The following TSPAN9 variants were observed in gnomAD, a reference collection of about 807,000 sequenced individuals.
TSPAN9 encodes the protein tetraspanin-9.
A neutral mutation model predicts 31.0 loss-of-function variants in TSPAN9; 16 were observed. The ratio of observed to expected loss-of-function variants is 0.52; its 90% CI spans 0.35 to 0.78. The LOEUF is 0.78. Ranked by LOEUF, TSPAN9 falls within the 30% of genes least tolerant of loss-of-function variation. The probability of loss-of-function intolerance (pLI) is 0.01; values close to 1 mark genes in which losing one functional copy is unlikely to be tolerated. For missense variants in TSPAN9, 272 were observed against 312.5 expected (o/e 0.87, Z 0.98); for synonymous variants, 145 against 121.6 (o/e 1.19, Z -1.27).
At chr12:3,184,071 G>A (rs971727149) in intron 2 of TSPAN9, among the ~76,000 whole-genome samples, 14 of 152,206 alleles carry the variant, frequency 9.2e-5, no homozygotes, top group Non-Finnish European at 1.9e-4. Flanking sequence ...GATCTCTGAC[G>A]GCCCATAGCT....
intron 2 of TSPAN9, among the ~76,000 whole-genome samples, chr12:3,174,399 G>A (rs2153970587): frequency 6.6e-6 from 1 of 152,202 alleles, no homozygotes; most frequent in East Asian, 1.9e-4. Flanking sequence ...GTTTACAGCT[G>A]ATGATTTCTA....
intron 3 of TSPAN9, among the ~76,000 whole-genome samples, chr12:3,250,569 C>A (rs1364915436): frequency 1.3e-5 from 2 of 152,184 alleles, no homozygotes; most frequent in Non-Finnish European, 2.9e-5. Flanking sequence ...TCTAGACCTG[C>A]CCACAGCTCC....
At chr12:3,138,016 G>C (rs1050642476) in intron 2 of TSPAN9, among the ~76,000 whole-genome samples, 1 of 152,146 alleles carries the variant, frequency 6.6e-6, no homozygotes, top group Non-Finnish European at 1.5e-5. Flanking sequence ...CCCCTCACTG[G>C]CTGTGTGACC....
At chr12:3,190,595 CAG>C (rs1192583659) in intron 2 of TSPAN9, among the ~76,000 whole-genome samples, 6 of 152,204 alleles carry the variant, frequency 3.9e-5, no homozygotes, top group African/African-American at 1.4e-4. Context: ...TCCTGCAAAA[CAG>C]GGCCTGAGAG....
intron 3 of TSPAN9, among the ~76,000 whole-genome samples, chr12:3,222,108 TCTAA>T (rs779867198): frequency 6.3e-4 from 96 of 152,368 alleles, no homozygotes; most frequent in Non-Finnish European, 1.1e-3. Context: ...CACAGGGTTC[TCTAA>T]CTGTCTTTTC....
At chr12:3,210,268 T>G (rs1421300747) in intron 3 of TSPAN9, among the ~76,000 whole-genome samples, 2 of 152,216 alleles carry the variant, frequency 1.3e-5, no homozygotes, top group East Asian at 3.8e-4. Flanking sequence ...CCACCTTTCC[T>G]AGATAATGCC....
chr12:3,276,958 C>G (rs1862800698), intron 3 of TSPAN9, among the ~76,000 whole-genome samples: 2 of 152,274 alleles, frequency 1.3e-5, no homozygotes, highest in Non-Finnish European at 1.5e-5. Context: ...CCCTGAGCCT[C>G]TGTTTCTTCC....
Position 3,284,908 on chromosome 12 carries a change from T to C in TSPAN9, c.*1792T>C, listed in dbSNP as rs1396308082. ...GGCCACCCAGCACCAGTCACTCCTC[T>C]GTTCACCTTAAGTAACACACAAATC... On this transcript the variant is annotated 3_prime_UTR_variant, in exon 9 of 9. Coordinates refer to ENST00000011898, the MANE Select transcript of TSPAN9 (RefSeq NM_006675.5). 6.6e-6 allele frequency: 1 copy of C among 152,290 alleles called. No homozygotes were observed. The highest frequency in any genetic ancestry group is 1.5e-5 in the Non-Finnish European group (1 of 68,076). The allele number at this position is 152,290 out of a possible 1,614,324, so 9.4% of individuals were successfully genotyped here.
At chr12:3,137,803 T>C (rs1308029642) in intron 2 of TSPAN9, among the ~76,000 whole-genome samples, 1 of 152,122 alleles carries the variant, frequency 6.6e-6, no homozygotes, top group Non-Finnish European at 1.5e-5. Flanking sequence ...TTTTTCTTTT[T>C]TTCTAGGGGA....
intron 3 of TSPAN9, among the ~76,000 whole-genome samples, chr12:3,269,798 C>T (rs1050695930): frequency 1.3e-5 from 2 of 152,338 alleles, no homozygotes; most frequent in South Asian, 2.1e-4. Context: ...TGCACCCACC[C>T]GCACCCCCTC....
chr12:3,131,215 C>T (rs187300617), intron 2 of TSPAN9, among the ~76,000 whole-genome samples: 118 of 151,620 alleles, frequency 7.8e-4, no homozygotes, highest in African/African-American at 2.7e-3. Context: ...TTGTCCCAGC[C>T]GGCCTTCGAG....
intron 2 of TSPAN9, among the ~76,000 whole-genome samples, chr12:3,198,398 CCACCAGCACAGGTCA>C (rs1565610327): frequency 1.8e-4 from 15 of 83,152 alleles, no homozygotes; most frequent in African/African-American, 4.9e-4. Context: ...GCACAGGTCA[CCACCAGCACAGGTCA>C]CACCAGCACA....
intron 3 of TSPAN9, among the ~76,000 whole-genome samples, chr12:3,224,148 C>T (rs747774172): frequency 6.6e-6 from 1 of 152,232 alleles, no homozygotes; most frequent in African/African-American, 2.4e-5. Flanking sequence ...AGAATCCTTA[C>T]CGCCTCAGAC....
At chr12:3,270,532 C>T (rs74054955) in intron 3 of TSPAN9, among the ~76,000 whole-genome samples, 2,301 of 152,348 alleles carry the variant, frequency 0.015, 65 homozygotes, top group African/African-American at 0.052. Context: ...TTGATTGGAG[C>T]AAGCCCCCAG....
At position 3,148,392 on chromosome 12, in the gene TSPAN9, C is replaced by T. The variant is rs574848573; in HGVS notation, c.-17-52785C>T. The stretch of plus-strand genomic sequence containing the variant: ...TCACAAGCTGAATTTCTCAGACTCT[C>T]AGGCCAACACCCACACTGCCAGCTC... On this transcript the variant is annotated intron_variant, in intron 2 of 8. Coordinates refer to ENST00000011898, the MANE Select transcript of TSPAN9 (RefSeq NM_006675.5). Among the ~76,000 whole-genome samples, 8 of 152,396 alleles carry T rather than the reference C, an allele frequency of 5.2e-5. No individual in the cohort carries two copies. In the South Asian group the frequency reaches 1.7e-3, roughly 32 times the overall value.
At chr12:3,263,807 A>G (rs1010897527) in intron 3 of TSPAN9, among the ~76,000 whole-genome samples, 1 of 151,874 alleles carries the variant, frequency 6.6e-6, no homozygotes, top group African/African-American at 2.4e-5. Flanking sequence ...GTGAGGGAGG[A>G]TTGTGAGCCT....
intron 3 of TSPAN9, among the ~76,000 whole-genome samples, chr12:3,219,848 T>TAAAAAAA (rs552211012): frequency 7.4e-6 from 1 of 135,886 alleles, no homozygotes; most frequent in African/African-American, 2.8e-5. Flanking sequence ...CTTAAACTAT[T>TAAAAAAA]AAAAAAAAAA....
At chr12:3,225,254 C>T (rs1159914004) in intron 3 of TSPAN9, among the ~76,000 whole-genome samples, 2 of 152,078 alleles carry the variant, frequency 1.3e-5, no homozygotes, top group East Asian at 1.9e-4. Context: ...TGATTTCAGG[C>T]GAGGCCTGGC....
chr12:3,201,092 G>C (rs1050821431), intron 2 of TSPAN9, 85 bp from the exon 3 acceptor site: 10 of 1,285,604 alleles, frequency 7.8e-6, no homozygotes, highest in East Asian at 2.4e-5. Context: ...CGCCGAGGCC[G>C]GCGTTAAGAC....
Sources: allele counts gnomAD v4.1 joint callset (sites outside exome capture counted in the v4.1 genomes callset), GRCh38; gene constraint gnomAD v4.1.1; transcripts MANE v1.5; gene names NCBI Gene and HGNC (gene_info 2026-07-23, HGNC 2026-07-21).